HIBCH: variants seen among roughly 807,000 people sequenced by gnomAD.
HIBCH encodes 3-hydroxyisobutyryl-CoA hydrolase, mitochondrial.
A neutral mutation model predicts 58.2 loss-of-function variants in HIBCH; 50 were observed. The observed-to-expected ratio is 0.86, with a 90% CI of 0.68 to 1.09. The LOEUF (loss-of-function observed/expected upper bound fraction) is 1.09, where lower values mean the gene tolerates loss of function less well. Ranked by LOEUF, HIBCH falls within the 50% of genes least tolerant of loss-of-function variation. HIBCH has a pLI of 0.00. For synonymous variants in HIBCH, 151 were observed against 146.9 expected (o/e 1.03, Z -0.20); for missense variants, 450 against 449.7 (o/e 1.00, Z -0.01).
At chr2:190,295,553 T>C (rs1043793614) in intron 3 of HIBCH, among the ~76,000 whole-genome samples, 1 of 152,226 alleles carries the variant, frequency 6.6e-6, no homozygotes, top group Non-Finnish European at 1.5e-5. Flanking sequence ...TATAGCATTT[T>C]GAATTAAGGA....
intron 4 of HIBCH, among the ~76,000 whole-genome samples, chr2:190,292,530 C>T (rs1183407132): frequency 4.6e-5 from 7 of 152,168 alleles, no homozygotes; most frequent in South Asian, 2.1e-4. Context: ...AGGCTGGTCT[C>T]GAACTCTTGA....
chr2:190,192,084 A>T (rs1689736223), intron 1 of HIBCH, among the ~76,000 whole-genome samples: 1 of 151,970 alleles, frequency 6.6e-6, no homozygotes, highest in Non-Finnish European at 1.5e-5. Context: ...ATAGTTTTAC[A>T]TTTTACATTT....
At chr2:190,275,334 T>G (rs78287474) in intron 6 of HIBCH, among the ~76,000 whole-genome samples, 1 of 152,354 alleles carries the variant, frequency 6.6e-6, no homozygotes, top group East Asian at 1.9e-4. Context: ...CTATATCTAC[T>G]TAATTTTATA....
chr2:190,231,545 A>C (rs1686096074), intron 11 of HIBCH, among the ~76,000 whole-genome samples: 1 of 152,190 alleles, frequency 6.6e-6, no homozygotes, highest in South Asian at 2.1e-4. Context: ...CTTCACACTG[A>C]CAAAGAATAT....
At chr2:190,265,106 G>A (rs1235892174) in intron 6 of HIBCH, among the ~76,000 whole-genome samples, 1 of 115,830 alleles carries the variant, frequency 8.6e-6, no homozygotes, top group Admixed American at 1.1e-4. Flanking sequence ...CTGGAGGACA[G>A]AGCAAGACTC....
intron 11 of HIBCH, among the ~76,000 whole-genome samples, chr2:190,225,446 C>T (rs554157063): frequency 3.5e-3 from 526 of 152,140 alleles, no homozygotes; most frequent in African/African-American, 0.012. Context: ...ATATCACCAC[C>T]GATCCCACAG....
chr2:190,198,097 T>C (rs1333573013), intron 1 of HIBCH, among the ~76,000 whole-genome samples: 4 of 152,108 alleles, frequency 2.6e-5, no homozygotes, highest in Non-Finnish European at 5.9e-5. Flanking sequence ...AAAATTAACA[T>C]CTCTGAAGTA....
intron 7 of HIBCH, among the ~76,000 whole-genome samples, chr2:190,256,456 A>AAC (rs1001021973): frequency 2.7e-5 from 4 of 150,818 alleles, no homozygotes; most frequent in African/African-American, 9.8e-5. Flanking sequence ...AAAAAAAAAA[A>AAC]AATAATAATA....
chr2:190,191,067 T>C (rs1409539576), intron 1 of HIBCH, among the ~76,000 whole-genome samples: 2 of 152,212 alleles, frequency 1.3e-5, no homozygotes, highest in East Asian at 1.9e-4. Context: ...GTCATCCATA[T>C]TGGTGTACAT....
intron 10 of HIBCH, 112 bp downstream of exon 10, chr2:190,246,042 T>G: frequency 1.5e-6 from 1 of 655,212 alleles, no homozygotes; most frequent in Non-Finnish European, 2.7e-6. Flanking sequence ...GATCTCAGAA[T>G]TCAGTGCACT....
At chr2:190,300,340 T>C (rs955981302) in intron 2 of HIBCH, among the ~76,000 whole-genome samples, 1 of 152,206 alleles carries the variant, frequency 6.6e-6, no homozygotes, top group African/African-American at 2.4e-5. Flanking sequence ...TTTTTTGACT[T>C]TTTAACAATA....
At chr2:190,224,900 A>C (rs1685843780) in intron 11 of HIBCH, among the ~76,000 whole-genome samples, 1 of 152,232 alleles carries the variant, frequency 6.6e-6, no homozygotes, top group Non-Finnish European at 1.5e-5. Context: ...CAAATGTAAA[A>C]GAACAGAAAT....
rs1167075358 is a variant in HIBCH, at chr2:190,279,254, G to C, written c.438+8332C>G. ...TACCCTCATGACCCCATCACCTCTT[G>C]AAGGCCTCACTTCTTAATACTGTTA... On this transcript the variant is annotated intron_variant, in intron 6 of 13. Coordinates refer to ENST00000359678, the MANE Select transcript of HIBCH (RefSeq NM_014362.4). This position sits in a 1 kb window ranked among gnomAD's most constrained non-coding sequence, Gnocchi z 4.2. Among the ~76,000 whole-genome samples the C allele has an allele frequency of 1.3e-5, 2 of 152,106 alleles. No individual in the cohort carries two copies. The highest frequency in any genetic ancestry group is 4.8e-5 in the African/African-American group (2 of 41,412).
intron 7 of HIBCH, among the ~76,000 whole-genome samples, chr2:190,256,016 A>G (rs1222275159): frequency 6.6e-6 from 1 of 152,208 alleles, no homozygotes; most frequent in Non-Finnish European, 1.5e-5. Context: ...GGACCTTCTC[A>G]CATGGTAGTA....
At chr2:190,280,244 G>A (rs1232894579) in intron 6 of HIBCH, among the ~76,000 whole-genome samples, 1 of 152,170 alleles carries the variant, frequency 6.6e-6, no homozygotes, top group African/African-American at 2.4e-5. Context: ...TCCATTCCAT[G>A]TCTGAATCCT....
rs1278742068 is a variant in HIBCH at position 190,207,149 on chromosome 2, C to T, written c.1045+1731G>A. On this transcript the variant is annotated intron_variant, in intron 13 of 13. Coordinates refer to ENST00000359678, the MANE Select transcript of HIBCH (RefSeq NM_014362.4). The surrounding 1 kb of genome is among the most constrained non-coding windows in gnomAD (Gnocchi z 4.5). ...AAAACAAAACAAAACAAAAAAAAGT[C>T]GTATAATAAGCACTTCCTTTATGAA... Among the ~76,000 whole-genome samples the T allele has an allele frequency of 6.6e-6, 1 of 151,898 alleles. No individual in the cohort carries two copies.
At position 190,207,123 on chromosome 2, in the gene HIBCH, A is replaced by AAAAAC. The variant is rs903349986; in HGVS notation, c.1045+1752_1045+1756dup. 2.6e-5 allele frequency among the ~76,000 whole-genome samples: 4 copies of AAAAAC among 152,156 alleles called. No homozygotes were observed. Among genetic ancestry groups the AAAAAC allele is most frequent in the African/African-American group, 9.7e-5 (4 of 41,418 alleles). ...GGTGACAGAGTGAGACTCCATCTCA[A>AAAAAC]AAAACAAAACAAAACAAAAAAAAGT... On this transcript the variant is annotated intron_variant, in intron 13 of 13. Transcript: ENST00000359678. The surrounding 1 kb of genome is among the most constrained non-coding windows in gnomAD (Gnocchi z 4.5).
downstream of HIBCH, chr2:190,199,789 T>A: frequency 6.4e-7 from 1 of 1,564,966 alleles, no homozygotes; most frequent in African/African-American, 1.4e-5. Context: ...CATGGACAAA[T>A]TTCATTGTTT....
At chr2:190,275,606 T>C (rs1012518598) in intron 6 of HIBCH, among the ~76,000 whole-genome samples, 1 of 152,168 alleles carries the variant, frequency 6.6e-6, no homozygotes, top group Non-Finnish European at 1.5e-5. Flanking sequence ...TGGTAAAGCT[T>C]GTGTAGAAGA....
Sources: allele counts gnomAD v4.1 joint callset (sites outside exome capture counted in the v4.1 genomes callset), GRCh38; gene constraint gnomAD v4.1.1; non-coding constraint Gnocchi (gnomAD v3.1); transcripts MANE v1.5; gene names NCBI Gene and HGNC (gene_info 2026-07-23, HGNC 2026-07-21).